CES3: variants seen among roughly 807,000 people sequenced by gnomAD.
The protein encoded by CES3 is carboxylesterase 3, also known as carboxylesterase 3 (brain).
In CES3, 49 loss-of-function variants were observed where a neutral mutation model predicts 57.6. That is an observed-to-expected ratio of 0.85 (90% CI 0.68 to 1.08). The LOEUF (loss-of-function observed/expected upper bound fraction) is 1.08, where lower values mean the gene tolerates loss of function less well. Among genes scored for constraint, CES3 ranks in the 50% least tolerant of loss-of-function variants. The pLI is 0.00. For missense variants in CES3, 645 were observed against 742.0 expected (o/e 0.87, Z 1.52); for synonymous variants, 266 against 281.6 (o/e 0.94, Z 0.55).
chr16:66,967,060 CT>C lies in CES3; in HGVS notation c.1062+205del, dbSNP rs201867581. ...TTTGTTTTGTTGTGTTGTTGTTTTG[CT>C]TTTTTTTTTCTGTTTTTGTTTGTTT... On this transcript the variant is annotated intron_variant, in intron 8 of 12. Coordinates refer to ENST00000303334, the MANE Select transcript of CES3 (RefSeq NM_024922.6). Among the ~76,000 whole-genome samples, 853 of 148,600 alleles carry C rather than the reference CT, an allele frequency of 5.7e-3. 1 individual carries two copies. Among genetic ancestry groups the C allele is most frequent in the Non-Finnish European group, 9.4e-3 (628 of 67,056 alleles).
In CES3 at chr16:66,972,396, A is replaced by G; in HGVS notation, c.1332A>G (p.Arg444=). ...TCTTTTTCTATGAGTTCCAGCATCG[A>G]CCCAGTTCTTTTGCGAAGATCAAAC... ...SPVFFYEFQH[R]PSSFAKIKPA... Residue 444 remains arginine (R), a synonymous_variant, in exon 11 of 13, where the codon CGA becomes CGG. Coordinates refer to ENST00000303334, the MANE Select transcript of CES3 (RefSeq NM_024922.6). 6.2e-7 allele frequency: 1 copy of G among 1,612,976 alleles called. No homozygotes were observed. Among genetic ancestry groups the G allele is most frequent in the Non-Finnish European group, 8.5e-7 (1 of 1,179,520 alleles).
chr16:66,970,015 C>T (rs1567557796), intron 9 of CES3, among the ~76,000 whole-genome samples: 3 of 152,118 alleles, frequency 2.0e-5, no homozygotes, highest in South Asian at 4.1e-4. Flanking sequence ...GCACATATTA[C>T]GTGCCAGGGA....
At chr16:66,966,413 G>A (rs1054214323) in intron 7 of CES3, 68 bp downstream of exon 7, 1 of 1,471,102 alleles carries the variant, frequency 6.8e-7, no homozygotes, top group Non-Finnish European at 9.4e-7. Context: ...TCCCCTGCAG[G>A]AGCAGAGGGG....
rs1440546548 is a variant in CES3, at chr16:66,971,238, G to A, written c.1210G>A (p.Ala404Thr). The A allele has an allele frequency of 6.2e-7, 1 of 1,614,138 alleles. No homozygotes were observed. The highest frequency in any genetic ancestry group is 2.2e-5 in the East Asian group (1 of 44,878). The change falls in exon 10 of 13, where the codon GCC (alanine) becomes ACC (threonine). Residue 404 changes from alanine (A) to threonine (T), a missense_variant. Ala to Thr is a moderately conservative substitution (Grantham distance 58). Transcript: ENST00000303334. ...CCTAGGAAGCAACTCGGACGCACAA[G>A]CCAAATGCCAGGCGTTCCAGGAATT... ...EYLGSNSDAQAKCQAFQEFMG... is the reference protein window; with the variant it reads ...EYLGSNSDAQTKCQAFQEFMG...
chr16:66,971,422 C>T (rs972482519), intron 10 of CES3, 103 bp downstream of exon 10: 8 of 1,226,236 alleles, frequency 6.5e-6, no homozygotes, highest in Middle Eastern at 1.9e-4. Context: ...CCCTCAATGC[C>T]TTGCACCCCA....
chr16:66,961,295 A>T lies in CES3; in HGVS notation c.-13A>T. On this transcript the variant is annotated 5_prime_UTR_variant, in exon 1 of 13. Transcript: ENST00000303334. ...CACCTTCTGAAGCTTCTGTCGAACC[A>T]GTTGTAAGGAGAATGGAGAGAGCAG... is the stretch of plus-strand genomic sequence containing the variant. The T allele has an allele frequency of 6.2e-7, 1 of 1,611,642 alleles. No individual in the cohort carries two copies. The highest frequency in any genetic ancestry group is 2.2e-5 in the East Asian group (1 of 44,858).
At chr16:66,964,248 C>A in intron 4 of CES3, 109 bp from the exon 5 acceptor site, 18 of 1,452,656 alleles carry the variant, frequency 1.2e-5, no homozygotes, top group Non-Finnish European at 1.7e-5. Flanking sequence ...ACAGGCCAGA[C>A]CTGGGGAGCA....
Position 66,963,414 on chromosome 16 carries a change from G to T in CES3, c.287+31G>T. 1 of 1,611,670 alleles carries T rather than the reference G, an allele frequency of 6.2e-7. No individual in the cohort carries two copies. The highest frequency in any genetic ancestry group is 8.5e-7 in the Non-Finnish European group (1 of 1,178,466). ...TAGTGCTGGTGGAGGCGGGCAAACA[G>T]GCAGGTTGCAGGAGAATCCTGCTGC... is the stretch of plus-strand genomic sequence containing the variant. On this transcript the variant is annotated intron_variant, in intron 2 of 12. Transcript: ENST00000303334. The surrounding 1 kb of genome is among the most constrained non-coding windows in gnomAD (Gnocchi z 4.9).
intron 9 of CES3, among the ~76,000 whole-genome samples, chr16:66,969,981 C>T (rs537316383): frequency 6.6e-6 from 1 of 152,264 alleles, no homozygotes; most frequent in East Asian, 1.9e-4. Flanking sequence ...CCATCATCGT[C>T]AACATGAAAC....
At chr16:66,969,924 C>T (rs1332135290) in intron 9 of CES3, among the ~76,000 whole-genome samples, 165 bp downstream of exon 9, 1 of 152,128 alleles carries the variant, frequency 6.6e-6, no homozygotes, top group Non-Finnish European at 1.5e-5. Context: ...ACTCCGGAAT[C>T]TCCTTAGATA....
At position 66,966,312 on chromosome 16, in the gene CES3, A is replaced by G. The variant is rs772691880; in HGVS notation, c.888A>G (p.Lys296=). Reference sequence around the variant, plus strand: ...AGATGGTGCAGTGCCTTCAGCAGAAAGAAGGAGAAGAGCTGGTCCTTAGCA... The same window carrying G: ...AGATGGTGCAGTGCCTTCAGCAGAAGGAAGGAGAAGAGCTGGTCCTTAGCA... ...PAEMVQCLQQ[K]EGEELVLSKK... Residue 296 remains lysine (K), a synonymous_variant, in exon 7 of 13, where the codon AAA becomes AAG. Transcript: ENST00000303334. 3 of 1,613,684 alleles carry G rather than the reference A, an allele frequency of 1.9e-6. No individual in the cohort carries two copies. The highest frequency in any genetic ancestry group is 2.7e-5 in the African/African-American group (2 of 74,922).
intron 1 of CES3, among the ~76,000 whole-genome samples, chr16:66,961,626 C>T (rs1230902108): frequency 2.0e-5 from 3 of 152,134 alleles, no homozygotes; most frequent in African/African-American, 4.8e-5. Flanking sequence ...TGCAATGGCG[C>T]GATCTCGGCT....
chr16:66,972,728 C>A lies in CES3; in HGVS notation c.1502C>A (p.Thr501Asn). ...QLSLTMMAQW[T>N]HFARTGDPNS... ...AGCCTCACCATGATGGCCCAGTGGA[C>A]CCACTTTGCCCGGACAGGGTGAGTG... is the stretch of plus-strand genomic sequence containing the variant. The change falls in exon 12 of 13, where the codon ACC (threonine) becomes AAC (asparagine). Residue 501 changes from threonine (T) to asparagine (N), a missense_variant. Physicochemically the swap from Thr to Asn is moderately conservative, Grantham distance 65. Coordinates refer to ENST00000303334, the MANE Select transcript of CES3 (RefSeq NM_024922.6). 3 of 1,614,192 alleles carry A rather than the reference C, an allele frequency of 1.9e-6. No individual in the cohort carries two copies. Among genetic ancestry groups the A allele is most frequent in the African/African-American group, 2.7e-5 (2 of 75,044 alleles).
intron 1 of CES3, among the ~76,000 whole-genome samples, chr16:66,961,607 A>C (rs554488149): frequency 6.6e-6 from 1 of 152,152 alleles, no homozygotes; most frequent in South Asian, 2.1e-4. Flanking sequence ...CTTGTTACCC[A>C]GGCTGGAGTG....
Position 66,972,517 on chromosome 16 carries a change from CA to C in CES3, c.1441+13del. 1 of 1,610,178 alleles carries C rather than the reference CA, an allele frequency of 6.2e-7. No homozygotes were observed. Among genetic ancestry groups the C allele is most frequent in the Non-Finnish European group, 8.5e-7 (1 of 1,178,208 alleles). ...GAGCTCCCGCCTGGGTGAGGACAGA[CA>C]GACAGACATGTGATCCCTAGGCTGC... On this transcript the variant is annotated intron_variant, in intron 11 of 12. Transcript: ENST00000303334.
chr16:66,968,980 C>G (rs963110107), intron 8 of CES3, among the ~76,000 whole-genome samples: 1 of 152,206 alleles, frequency 6.6e-6, no homozygotes, highest in Admixed American at 6.5e-5. Context: ...GCCTTTACCC[C>G]ACACCATCAA....
At chr16:66,962,302 C>T (rs1963662200) in intron 1 of CES3, among the ~76,000 whole-genome samples, 2 of 152,224 alleles carry the variant, frequency 1.3e-5, no homozygotes, top group African/African-American at 4.8e-5. Flanking sequence ...CTGCCAATTC[C>T]ACCTCCCCAG....
At chr16:66,972,526 A>AGACG (rs1491105542) in intron 11 of CES3, 21 bp downstream of exon 11, 7 of 1,608,350 alleles carry the variant, frequency 4.4e-6, no homozygotes, top group Non-Finnish European at 5.9e-6. Flanking sequence ...ACAGACAGAC[A>AGACG]TGTGATCCCT....
In CES3 at chr16:66,966,781, G is replaced by T; in HGVS notation, c.978G>T (p.Lys326Asn). Reference sequence around the variant, plus strand: ...GCACTGTCTTCCCCAAAAGCCCCAAGGAACTCCTGAAGGAGAAGCCCTTCC... The same window carrying T: ...GCACTGTCTTCCCCAAAAGCCCCAATGAACTCCTGAAGGAGAAGCCCTTCC... ...VDGTVFPKSP[K>N]ELLKEKPFHS... The change falls in exon 8 of 13, where the codon AAG becomes AAT. Residue 326 changes from lysine (K) to asparagine (N), a missense_variant. Coordinates refer to ENST00000303334, the MANE Select transcript of CES3 (RefSeq NM_024922.6). 2 of 1,614,144 alleles carry T rather than the reference G, an allele frequency of 1.2e-6. No individual in the cohort carries two copies.
Sources: gnomAD v4.1 joint callset for allele counts (sites outside exome capture counted in the v4.1 genomes callset) on GRCh38, gnomAD v4.1.1 for gene constraint, Gnocchi (gnomAD v3.1) non-coding constraint, MANE v1.5 for transcripts, NCBI Gene and HGNC (gene_info 2026-07-23, HGNC 2026-07-21) for gene names.